Variants in KIRREL3 observed in about 807,000 individuals in gnomAD.
The protein encoded by KIRREL3 is kin of IRRE-like protein 3.
In KIRREL3, 36 loss-of-function variants were observed where a neutral mutation model predicts 89.7. That is an observed-to-expected ratio of 0.40 (90% CI 0.31 to 0.53). The LOEUF is 0.53. Ranked by LOEUF, KIRREL3 falls within the 20% of genes least tolerant of loss-of-function variation. KIRREL3 has a pLI of 0.49. For synonymous variants in KIRREL3, 445 were observed against 441.4 expected, an observed-to-expected ratio of 1.01 and a Z score of -0.10; for missense variants, 864 against 1,056.6, an observed-to-expected ratio of 0.82 and a Z score of 2.53.
intron 1 of KIRREL3, chr11:126,944,166 A>G (rs1387724796): frequency 2.6e-5 from 4 of 152,130 alleles, no homozygotes; most frequent in Middle Eastern, 3.2e-3. Flanking sequence ...TGGTCCTCCT[A>G]TTATATCTCT....
At chr11:126,804,001 T>G (rs1431736152) in intron 1 of KIRREL3, among the ~76,000 whole-genome samples, 1 of 152,228 alleles carries the variant, frequency 6.6e-6, no homozygotes, top group Non-Finnish European at 1.5e-5. Context: ...GCCTTTGTGG[T>G]TATGCATGTG....
intron 11 of KIRREL3, among the ~76,000 whole-genome samples, chr11:126,439,021 G>C (rs1284522351): frequency 6.6e-6 from 1 of 152,176 alleles, no homozygotes; most frequent in Non-Finnish European, 1.5e-5. Context: ...TCCCCGAGTA[G>C]TGCTATAAAA....
rs1957058276 is a variant in KIRREL3 at position 126,476,147 on chromosome 11, G to T, written c.434-2681C>A. On this transcript the variant is annotated intron_variant, in intron 4 of 16. Transcript: ENST00000525144. The surrounding 1 kb of genome is among the most constrained non-coding windows in gnomAD (Gnocchi z 6.4). ...CCGCTCTCCAGCACGGACATTTACTGGGCCTTGGACAGGGGTTTGAAGCCT... is the reference window on the plus strand; with the variant it reads ...CCGCTCTCCAGCACGGACATTTACTTGGCCTTGGACAGGGGTTTGAAGCCT... Among the ~76,000 whole-genome samples the T allele has an allele frequency of 6.6e-6, 1 of 152,206 alleles. No individual in the cohort carries two copies. The highest frequency in any genetic ancestry group is 2.1e-4 in the South Asian group (1 of 4,828).
At position 126,458,257 on chromosome 11, in the gene KIRREL3, G is replaced by A. The variant is rs866710040; in HGVS notation, c.743-1803C>T. Among the ~76,000 whole-genome samples, 22 of 152,222 alleles carry A rather than the reference G, an allele frequency of 1.4e-4. No individual in the cohort carries two copies. The South Asian group carries it at 1.9e-3, about 13-fold the overall frequency. ...GGGGTCCAGCCCATTTCCAGAAAAA[G>A]AAGTAAAGAAACCAGTTTCTCAGAG... On this transcript the variant is annotated intron_variant, in intron 6 of 16. Coordinates refer to ENST00000525144, the MANE Select transcript of KIRREL3 (RefSeq NM_032531.4).
At chr11:126,497,453 C>T (rs1019492143) in intron 4 of KIRREL3, among the ~76,000 whole-genome samples, 2 of 152,160 alleles carry the variant, frequency 1.3e-5, no homozygotes, top group African/African-American at 2.4e-5. Context: ...TGAGCATTTC[C>T]AACAAATAAC....
chr11:126,601,820 T>C lies in KIRREL3; in HGVS notation c.56-38908A>G, dbSNP rs182520535. 1.3e-5 allele frequency among the ~76,000 whole-genome samples: 2 copies of C among 152,298 alleles called. No individual in the cohort carries two copies. The highest frequency in any genetic ancestry group is 6.5e-5 in the Admixed American group (1 of 15,294). ...CATTTCTAGGAGCTCCATTCCCTCG[T>C]GCCATCTCCCGTTTTTAAGGACTGG... On this transcript the variant is annotated intron_variant, in intron 1 of 16. Transcript: ENST00000525144. This position sits in a 1 kb window ranked among gnomAD's most constrained non-coding sequence, Gnocchi z 5.8.
At chr11:126,646,241 G>A (rs539534102) in intron 1 of KIRREL3, among the ~76,000 whole-genome samples, 2 of 152,036 alleles carry the variant, frequency 1.3e-5, no homozygotes, top group Non-Finnish European at 2.9e-5. Flanking sequence ...TGTGAATAAT[G>A]ATTTTCATTT....
intron 13 of KIRREL3, among the ~76,000 whole-genome samples, chr11:126,433,701 C>G (rs183092804): frequency 4.3e-4 from 66 of 152,322 alleles, no homozygotes; most frequent in African/African-American, 1.6e-3. Flanking sequence ...AGGTTTAGTT[C>G]CATGAAGAAA....
intron 1 of KIRREL3, among the ~76,000 whole-genome samples, chr11:126,650,603 C>T (rs1037705248): frequency 2.0e-5 from 3 of 152,200 alleles, no homozygotes; most frequent in African/African-American, 7.2e-5. Flanking sequence ...TTCCTTATCT[C>T]CATCTGAGAC....
chr11:126,942,016 C>T (rs573843038), intron 1 of KIRREL3, among the ~76,000 whole-genome samples: 103 of 152,278 alleles, frequency 6.8e-4, no homozygotes, highest in Admixed American at 1.6e-3. Context: ...TGGCCTTTAC[C>T]AGCTCTGTCA....
In KIRREL3 at chr11:126,668,466, A is replaced by G. The variant is rs1945764199; in HGVS notation, c.56-105554T>C. ...GAGGTGGCTTTTCCTCTCCCCAGAC[A>G]GCTTCCCTTTCCCCACAGTCCAACC... On this transcript the variant is annotated intron_variant, in intron 1 of 16. Coordinates refer to ENST00000525144, the MANE Select transcript of KIRREL3 (RefSeq NM_032531.4). The surrounding 1 kb of genome is among the most constrained non-coding windows in gnomAD (Gnocchi z 4.4). Among the ~76,000 whole-genome samples the G allele has an allele frequency of 6.6e-6, 1 of 152,162 alleles. No individual in the cohort carries two copies. The highest frequency in any genetic ancestry group is 2.4e-5 in the African/African-American group (1 of 41,438).
rs1939276347 is a variant in KIRREL3 at position 126,551,691 on chromosome 11, C to T, written c.133+11144G>A. On this transcript the variant is annotated intron_variant, in intron 2 of 16. Transcript: ENST00000525144. This position sits in a 1 kb window ranked among gnomAD's most constrained non-coding sequence, Gnocchi z 4.9. ...TTTGAGACAGAGTCTCGCTCTGTTT[C>T]TCAGGCTGAGTGCAATGGTGTGACC... is the stretch of plus-strand genomic sequence containing the variant. Among the ~76,000 whole-genome samples the T allele has an allele frequency of 1.4e-5, 2 of 139,606 alleles. No individual in the cohort carries two copies. The highest frequency in any genetic ancestry group is 1.5e-4 in the Admixed American group (2 of 13,340). The allele number at this position is 139,606 out of a possible 152,430, so 91.6% of individuals were successfully genotyped here.
At chr11:126,702,546 C>T (rs1218777934) in intron 1 of KIRREL3, among the ~76,000 whole-genome samples, 2 of 152,220 alleles carry the variant, frequency 1.3e-5, no homozygotes, top group Non-Finnish European at 2.9e-5. Context: ...CACCAGCTTC[C>T]TCTCACCGTG....
At chr11:126,857,640 G>A (rs1944565370) in intron 1 of KIRREL3, among the ~76,000 whole-genome samples, 1 of 152,098 alleles carries the variant, frequency 6.6e-6, no homozygotes, top group Non-Finnish European at 1.5e-5. Context: ...ATGGTCATAT[G>A]TCTTAAAGCA....
In KIRREL3 at chr11:126,624,905, T is replaced by C. The variant is rs933499267; in HGVS notation, c.56-61993A>G. ...CTACCATCAGTAAGGATGGTGGAAATTGGGGTGGGGCAGGGACTGCTGATG... is the reference window on the plus strand; with the variant it reads ...CTACCATCAGTAAGGATGGTGGAAACTGGGGTGGGGCAGGGACTGCTGATG... On this transcript the variant is annotated intron_variant, in intron 1 of 16. Transcript: ENST00000525144. The surrounding 1 kb of genome is among the most constrained non-coding windows in gnomAD (Gnocchi z 6.0). 1.3e-5 allele frequency among the ~76,000 whole-genome samples: 2 copies of C among 152,106 alleles called. No individual in the cohort carries two copies. The highest frequency in any genetic ancestry group is 2.1e-4 in the South Asian group (1 of 4,810).
In KIRREL3 at chr11:126,489,038, TC is replaced by T. The variant is rs1957440277; in HGVS notation, c.434-15573del. On this transcript the variant is annotated intron_variant, in intron 4 of 16. Coordinates refer to ENST00000525144, the MANE Select transcript of KIRREL3 (RefSeq NM_032531.4). This position sits in a 1 kb window ranked among gnomAD's most constrained non-coding sequence, Gnocchi z 5.5. ...CACCTACACGATGTTCAGTGTTTGC[TC>T]AAATGTGCCCTCTGACCTCCACTAG... 6.6e-6 allele frequency among the ~76,000 whole-genome samples: 1 copy of T among 152,038 alleles called. No individual in the cohort carries two copies. The highest frequency in any genetic ancestry group is 2.4e-5 in the African/African-American group (1 of 41,384).
chr11:126,432,752 G>A lies in KIRREL3; in HGVS notation c.1589-1226C>T, dbSNP rs1243582142. Among the ~76,000 whole-genome samples the A allele has an allele frequency of 6.6e-6, 1 of 152,088 alleles. No homozygotes were observed. The highest frequency in any genetic ancestry group is 1.5e-5 in the Non-Finnish European group (1 of 68,026). On this transcript the variant is annotated intron_variant, in intron 13 of 16. Coordinates refer to ENST00000525144, the MANE Select transcript of KIRREL3 (RefSeq NM_032531.4). The surrounding 1 kb of genome is among the most constrained non-coding windows in gnomAD (Gnocchi z 6.2). ...TCTGTAGGATGGGGATAATGGTACC[G>A]GCCCCTCTGAGGGTTGTTATGGGCT...
chr11:126,761,396 C>T lies in KIRREL3; in HGVS notation c.56-198484G>A, dbSNP rs538679623. On this transcript the variant is annotated intron_variant, in intron 1 of 16. Coordinates refer to ENST00000525144, the MANE Select transcript of KIRREL3 (RefSeq NM_032531.4). This position sits in a 1 kb window ranked among gnomAD's most constrained non-coding sequence, Gnocchi z 4.4. ...GAGGCACAGCAACTTGCCTGCTTGT[C>T]CCCAGCAAAGGGCAGTGTCCAGAGT... 6.6e-6 allele frequency among the ~76,000 whole-genome samples: 1 copy of T among 152,228 alleles called. No individual in the cohort carries two copies. Among genetic ancestry groups the T allele is most frequent in the South Asian group, 2.1e-4 (1 of 4,816 alleles).
rs1310788023 is a variant in KIRREL3, at chr11:126,955,188, G to T, written c.55+45267C>A. ...ATGAATTAGGGGAAGGGGCCAACAGGGTAACGTGGTAATGAAGGAGATGGC... is the reference window on the plus strand; with the variant it reads ...ATGAATTAGGGGAAGGGGCCAACAGTGTAACGTGGTAATGAAGGAGATGGC... On this transcript the variant is annotated intron_variant, in intron 1 of 16. Transcript: ENST00000525144. This position sits in a 1 kb window ranked among gnomAD's most constrained non-coding sequence, Gnocchi z 4.6. Among the ~76,000 whole-genome samples the T allele has an allele frequency of 1.3e-5, 2 of 152,134 alleles. No individual in the cohort carries two copies. Among genetic ancestry groups the T allele is most frequent in the Non-Finnish European group, 2.9e-5 (2 of 68,020 alleles).
Sources: allele counts gnomAD v4.1 joint callset (sites outside exome capture counted in the v4.1 genomes callset), GRCh38; gene constraint gnomAD v4.1.1; non-coding constraint Gnocchi (gnomAD v3.1); transcripts MANE v1.5; gene names NCBI Gene and HGNC (gene_info 2026-07-23, HGNC 2026-07-21).